WDR72: variants seen among roughly 807,000 people sequenced by gnomAD.
WDR72 encodes the protein WD repeat domain 72, also known as WD repeat-containing protein 72.
A neutral mutation model predicts 124.2 loss-of-function variants in WDR72; 120 were observed. That is an observed-to-expected ratio of 0.97 (90% confidence interval 0.83 to 1.12). WDR72 has a LOEUF of 1.12. WDR72 is among the 50% of genes most tolerant of loss of function. The probability of loss-of-function intolerance (pLI) is 0.00; values close to 1 mark genes in which losing one functional copy is unlikely to be tolerated. For missense variants in WDR72, 1,387 were observed against 1,278.8 expected (o/e 1.08, Z -1.29); for synonymous variants, 452 against 441.7 (o/e 1.02, Z -0.29).
intron 1 of WDR72, among the ~76,000 whole-genome samples, chr15:53,734,626 ATG>A (rs2018297292): frequency 6.6e-6 from 1 of 151,988 alleles, no homozygotes; most frequent in East Asian, 1.9e-4. Flanking sequence ...CTAAATTAGT[ATG>A]TGGCTTTTTG....
intron 14 of WDR72, among the ~76,000 whole-genome samples, chr15:53,626,941 A>C (rs1170002332): frequency 6.6e-6 from 1 of 152,232 alleles, no homozygotes; most frequent in Non-Finnish European, 1.5e-5. Context: ...TCGTACAGTA[A>C]CACTTAATAT....
intron 13 of WDR72, among the ~76,000 whole-genome samples, chr15:53,674,646 T>C (rs372512997): frequency 6.6e-6 from 1 of 152,150 alleles, no homozygotes; most frequent in Non-Finnish European, 1.5e-5. Flanking sequence ...ATATAATAAA[T>C]TCAGCTAAAA....
chr15:53,622,077 C>T (rs1356161865), intron 14 of WDR72, among the ~76,000 whole-genome samples: 2 of 152,088 alleles, frequency 1.3e-5, no homozygotes, highest in African/African-American at 4.8e-5. Flanking sequence ...CAATGAGATA[C>T]CATCTCATGC....
chr15:53,702,994 C>A (rs903293746), intron 11 of WDR72, among the ~76,000 whole-genome samples: 1 of 151,344 alleles, frequency 6.6e-6, no homozygotes, highest in African/African-American at 2.4e-5. Flanking sequence ...AACTTCTATT[C>A]CTCAAGTTCC....
At chr15:53,755,327 A>G (rs938236798) in intron 1 of WDR72, among the ~76,000 whole-genome samples, 2 of 152,258 alleles carry the variant, frequency 1.3e-5, no homozygotes, top group Admixed American at 1.3e-4. Flanking sequence ...ATGTGGCATA[A>G]CGGATTATTA....
At chr15:53,653,162 T>C (rs1040081788) in intron 14 of WDR72, among the ~76,000 whole-genome samples, 1 of 152,236 alleles carries the variant, frequency 6.6e-6, no homozygotes, top group South Asian at 2.1e-4. Flanking sequence ...CATTCTTTAC[T>C]TTCTTACCAT....
chr15:53,685,515 A>T (rs2016587563), intron 13 of WDR72, among the ~76,000 whole-genome samples: 1 of 141,694 alleles, frequency 7.1e-6, no homozygotes, highest in African/African-American at 2.7e-5. Flanking sequence ...TAGAGAAAAA[A>T]GAATAAAAAG....
chr15:53,735,759 C>A (rs949995786), intron 1 of WDR72, among the ~76,000 whole-genome samples: 2 of 151,688 alleles, frequency 1.3e-5, no homozygotes, highest in African/African-American at 4.8e-5. Context: ...AAGATTAGTA[C>A]CCCAGGAACT....
chr15:53,641,800 T>G, intron 14 of WDR72, among the ~76,000 whole-genome samples: 1 of 151,894 alleles, frequency 6.6e-6, no homozygotes, highest in East Asian at 1.9e-4. Context: ...GCACTTAAGT[T>G]TTGTTTTTAG....
intron 1 of WDR72, among the ~76,000 whole-genome samples, chr15:53,751,951 T>A (rs1183270580): frequency 6.6e-6 from 1 of 152,208 alleles, no homozygotes; most frequent in Non-Finnish European, 1.5e-5. Context: ...AAATCATTAA[T>A]TAGTAAGCAT....
At chr15:53,521,324 CA>C (rs778119652) in intron 19 of WDR72, among the ~76,000 whole-genome samples, 4 of 152,006 alleles carry the variant, frequency 2.6e-5, no homozygotes, top group Non-Finnish European at 4.4e-5. Context: ...TCAATATGAG[CA>C]ATTCTTGGAG....
At chr15:53,601,484 G>A (rs2013042675) in intron 17 of WDR72, among the ~76,000 whole-genome samples, 1 of 152,140 alleles carries the variant, frequency 6.6e-6, no homozygotes. Flanking sequence ...ACATCATGAT[G>A]ACAGGATGAA....
At chr15:53,689,610 T>C (rs1237092666) in intron 13 of WDR72, among the ~76,000 whole-genome samples, 1 of 146,700 alleles carries the variant, frequency 6.8e-6, no homozygotes, top group African/African-American at 2.6e-5. Flanking sequence ...ACTTTTACAC[T>C]GTTGGTAGGA....
chr15:53,525,072 G>C (rs557097837), intron 18 of WDR72, among the ~76,000 whole-genome samples: 14 of 152,188 alleles, frequency 9.2e-5, no homozygotes, highest in African/African-American at 2.9e-4. Context: ...CATGGAAGGA[G>C]AGGATGTGTG....
At chr15:53,665,849 G>T in intron 13 of WDR72, 81 bp from the exon 14 acceptor site, 3 of 1,376,196 alleles carry the variant, frequency 2.2e-6, no homozygotes, top group Non-Finnish European at 1.0e-6. Flanking sequence ...CTCTTTAGCA[G>T]AAGAATCACA....
intron 14 of WDR72, among the ~76,000 whole-genome samples, chr15:53,641,670 T>G (rs919913009): frequency 6.6e-6 from 1 of 151,982 alleles, no homozygotes; most frequent in Non-Finnish European, 1.5e-5. Context: ...TTTTAGAATA[T>G]GGTTTCATAT....
chr15:53,740,443 G>A (rs1223049565), intron 1 of WDR72, among the ~76,000 whole-genome samples: 2 of 151,888 alleles, frequency 1.3e-5, no homozygotes, highest in South Asian at 2.1e-4. Flanking sequence ...GAATAGCTGG[G>A]ACTACAGGCG....
intron 18 of WDR72, among the ~76,000 whole-genome samples, chr15:53,571,568 G>GC (rs1341238197): frequency 3.3e-5 from 5 of 151,968 alleles, no homozygotes; most frequent in Admixed American, 1.3e-4. Context: ...TTTAAAGGCC[G>GC]AACAGTATTT....
chr15:53,666,173 A>G (rs377034926), intron 13 of WDR72, among the ~76,000 whole-genome samples: 3 of 152,216 alleles, frequency 2.0e-5, no homozygotes, highest in East Asian at 3.9e-4. Flanking sequence ...CCAGGCTTGA[A>G]ATGTTTCTAT....
Sources: gnomAD v4.1 joint callset for allele counts (sites outside exome capture counted in the v4.1 genomes callset) on GRCh38, gnomAD v4.1.1 for gene constraint, MANE v1.5 for transcripts, NCBI Gene and HGNC (gene_info 2026-07-23, HGNC 2026-07-21) for gene names.